Variants in LHFPL3 observed in about 807,000 individuals in gnomAD.
LHFPL3 encodes LHFPL tetraspan subfamily member 3.
In LHFPL3, 5 loss-of-function variants were observed where a neutral mutation model predicts 19.3. The ratio of observed to expected loss-of-function variants is 0.26; its 90% CI spans 0.14 to 0.54. The LOEUF is 0.54. Among genes scored for constraint, LHFPL3 ranks in the 20% least tolerant of loss-of-function variants. LHFPL3 has a pLI of 0.94. For synonymous variants in LHFPL3, 133 were observed against 126.2 expected, an observed-to-expected ratio of 1.05 and a Z score of -0.36; for missense variants, 249 against 307.4, an observed-to-expected ratio of 0.81 and a Z score of 1.42.
At chr7:104,346,295 C>T (rs1790063399) in intron 1 of LHFPL3, among the ~76,000 whole-genome samples, 1 of 151,412 alleles carries the variant, frequency 6.6e-6, no homozygotes, top group African/African-American at 2.4e-5. Context: ...CTTGGCCTCC[C>T]AAAGTGTTAT....
At chr7:104,509,110 A>T (rs1445962295) in intron 1 of LHFPL3, among the ~76,000 whole-genome samples, 1 of 152,096 alleles carries the variant, frequency 6.6e-6, no homozygotes, top group African/African-American at 2.4e-5. Flanking sequence ...ATAATTTAAA[A>T]ACTCCCCTGT....
chr7:104,743,300 C>T (rs925330059), intron 2 of LHFPL3, among the ~76,000 whole-genome samples: 1 of 151,932 alleles, frequency 6.6e-6, no homozygotes, highest in African/African-American at 2.4e-5. Context: ...GAGGAGCCTC[C>T]TTGCCTCACT....
At chr7:104,650,300 C>T (rs575359906) in intron 1 of LHFPL3, among the ~76,000 whole-genome samples, 17 of 152,244 alleles carry the variant, frequency 1.1e-4, no homozygotes, top group African/African-American at 3.4e-4. Context: ...CTGTGGTGCA[C>T]ACATCCCTGG....
At chr7:104,584,174 T>A (rs976033095) in intron 1 of LHFPL3, among the ~76,000 whole-genome samples, 13 of 152,264 alleles carry the variant, frequency 8.5e-5, no homozygotes, top group African/African-American at 3.1e-4. Context: ...TGGATGAAGC[T>A]GGAAACCAGC....
intron 1 of LHFPL3, among the ~76,000 whole-genome samples, chr7:104,549,118 G>A (rs1018263955): frequency 1.3e-5 from 2 of 152,074 alleles, no homozygotes; most frequent in Non-Finnish European, 1.5e-5. Context: ...AACCTGGTAC[G>A]CTGGTGGAGA....
chr7:104,584,291 C>T (rs531158368), intron 1 of LHFPL3, among the ~76,000 whole-genome samples: 2 of 151,610 alleles, frequency 1.3e-5, no homozygotes, highest in Non-Finnish European at 2.9e-5. Context: ...GGGAACGTCA[C>T]ACACTAGGGA....
At chr7:104,572,835 A>G (rs377283583) in intron 1 of LHFPL3, among the ~76,000 whole-genome samples, 3 of 152,304 alleles carry the variant, frequency 2.0e-5, no homozygotes, top group African/African-American at 7.2e-5. Flanking sequence ...TTATTTTCCA[A>G]TCCTGCTAAA....
intron 2 of LHFPL3, among the ~76,000 whole-genome samples, chr7:104,817,349 T>C (rs1383190993): frequency 2.0e-5 from 3 of 152,024 alleles, no homozygotes; most frequent in Non-Finnish European, 4.4e-5. Flanking sequence ...CTCCTCCCTT[T>C]TTCTCCTCAT....
chr7:104,758,606 A>G (rs572375195), intron 2 of LHFPL3, among the ~76,000 whole-genome samples: 61 of 152,304 alleles, frequency 4.0e-4, no homozygotes, highest in Middle Eastern at 3.4e-3. Context: ...CCAAAAATAT[A>G]TAAATAAATA....
rs2116491319 is a variant in LHFPL3 at position 104,399,964 on chromosome 7, C to A, written c.445+70740C>A. On this transcript the variant is annotated intron_variant, in intron 1 of 2. Coordinates refer to ENST00000424859, the MANE Select transcript of LHFPL3 (RefSeq NM_199000.3). The surrounding 1 kb of genome is among the most constrained non-coding windows in gnomAD (Gnocchi z 4.4). The stretch of plus-strand genomic sequence containing the variant: ...ACTAAAAATACAAAAATTAGCTGGG[C>A]ATGGTGGCAGATGCCTGTAATCCCA... 6.6e-6 allele frequency among the ~76,000 whole-genome samples: 1 copy of A among 151,156 alleles called. No homozygotes were observed. Among genetic ancestry groups the A allele is most frequent in the East Asian group, 2.0e-4 (1 of 5,118 alleles).
chr7:104,621,304 A>G (rs1791442387), intron 1 of LHFPL3, among the ~76,000 whole-genome samples: 1 of 152,212 alleles, frequency 6.6e-6, no homozygotes, highest in South Asian at 2.1e-4. Context: ...TCTATGAGAG[A>G]GGTTTCACTG....
chr7:104,634,370 G>A (rs1791696323), intron 1 of LHFPL3, among the ~76,000 whole-genome samples: 1 of 152,094 alleles, frequency 6.6e-6, no homozygotes, highest in Non-Finnish European at 1.5e-5. Context: ...CTCACATGGT[G>A]GAAATAGAGT....
intron 2 of LHFPL3, among the ~76,000 whole-genome samples, chr7:104,775,037 G>C (rs1794616808): frequency 6.6e-6 from 1 of 152,172 alleles, no homozygotes; most frequent in East Asian, 1.9e-4. Flanking sequence ...ATACGTGCCA[G>C]AGTTTGAATC....
rs573306958 is a variant in LHFPL3 at position 104,908,032 on chromosome 7, C to A, written c.*1817C>A. ...TTAGCTCCCTACTACATCCATAACA[C>A]CCTACTTACTAAATTTAATTACACA... On this transcript the variant is annotated 3_prime_UTR_variant, in exon 3 of 3. Coordinates refer to ENST00000424859, the MANE Select transcript of LHFPL3 (RefSeq NM_199000.3). Among the ~76,000 whole-genome samples, 2 of 152,262 alleles carry A rather than the reference C, an allele frequency of 1.3e-5. No homozygotes were observed. Among genetic ancestry groups the A allele is most frequent in the East Asian group, 3.9e-4 (2 of 5,188 alleles).
chr7:104,587,648 C>T (rs1240754859), intron 1 of LHFPL3, among the ~76,000 whole-genome samples: 2 of 152,016 alleles, frequency 1.3e-5, no homozygotes, highest in South Asian at 2.1e-4. Flanking sequence ...AATGGGATGG[C>T]TGGGTCAAAT....
intron 1 of LHFPL3, among the ~76,000 whole-genome samples, chr7:104,523,504 C>G (rs1383812909): frequency 6.6e-6 from 1 of 152,132 alleles, no homozygotes; most frequent in Non-Finnish European, 1.5e-5. Flanking sequence ...ACTCATTAAC[C>G]AAAGCTGATC....
At chr7:104,793,842 C>T (rs1696118297) in intron 2 of LHFPL3, among the ~76,000 whole-genome samples, 1 of 152,108 alleles carries the variant, frequency 6.6e-6, no homozygotes. Context: ...AGGTGGTGCC[C>T]AAAGAAACTG....
chr7:104,491,227 G>T (rs916137080), intron 1 of LHFPL3, among the ~76,000 whole-genome samples: 2 of 152,046 alleles, frequency 1.3e-5, no homozygotes, highest in African/African-American at 2.4e-5. Flanking sequence ...AGATGACCAG[G>T]AATTCTGGTC....
At chr7:104,400,225 G>C (rs1252445852) in intron 1 of LHFPL3, among the ~76,000 whole-genome samples, 2 of 146,388 alleles carry the variant, frequency 1.4e-5, no homozygotes, top group Admixed American at 6.9e-5. Context: ...TCAGGGTTGA[G>C]TTACTGTAGT....
Sources: allele counts gnomAD v4.1 joint callset (sites outside exome capture counted in the v4.1 genomes callset), GRCh38; gene constraint gnomAD v4.1.1; non-coding constraint Gnocchi (gnomAD v3.1); transcripts MANE v1.5; gene names NCBI Gene and HGNC (gene_info 2026-07-23, HGNC 2026-07-21).